BTD: variants seen among roughly 807,000 people sequenced by gnomAD.
The protein encoded by BTD is biotinidase.
In BTD, 13 loss-of-function variants were observed where a neutral mutation model predicts 17.7. That is an observed-to-expected ratio of 0.74 (90% CI 0.48 to 1.17). The LOEUF (loss-of-function observed/expected upper bound fraction) is 1.17. BTD is among the 50% of genes most tolerant of loss of function. The pLI is 0.00. For missense variants in BTD, 674 were observed against 650.4 expected, an observed-to-expected ratio of 1.04 and a Z score of -0.39; for synonymous variants, 240 against 245.2, an observed-to-expected ratio of 0.98 and a Z score of 0.20.
In BTD at chr3:15,616,297, T is replaced by C. The variant is rs577644870; in HGVS notation, c.-17+14403T>C. ...AATCAGACTTCCTGTTGCTCTATAT[T>C]CTCAACAGCATTTGGTCTTTTTAAA... On this transcript the variant is annotated intron_variant, in intron 1 of 3. Coordinates refer to ENST00000643237, the MANE Select transcript of BTD (RefSeq NM_001370658.1). 2.0e-5 allele frequency among the ~76,000 whole-genome samples: 3 copies of C among 152,266 alleles called. No individual in the cohort carries two copies. The South Asian group carries it at 6.2e-4, about 32-fold the overall frequency.
chr3:15,634,223 T>C (rs2065286938), intron 1 of BTD, among the ~76,000 whole-genome samples: 1 of 152,212 alleles, frequency 6.6e-6, no homozygotes, highest in Non-Finnish European at 1.5e-5. Context: ...GGTTTTAAAA[T>C]GCAAACACAG....
At chr3:15,686,431 G>T (rs2068136394) in intron 3 of BTD, 7 of 754,030 alleles carry the variant, frequency 9.3e-6, no homozygotes, top group South Asian at 9.0e-5. Context: ...TAATATGCAA[G>T]AATGAAAACT....
At chr3:15,684,029 G>C (rs893607244) in intron 3 of BTD, 1 of 152,068 alleles carries the variant, frequency 6.6e-6, no homozygotes, top group African/African-American at 2.4e-5. Flanking sequence ...TTGTAGATCT[G>C]CTGTCATAAT....
chr3:15,699,786 G>A (rs2070284674), intron 3 of BTD, among the ~76,000 whole-genome samples: 1 of 152,216 alleles, frequency 6.6e-6, no homozygotes, highest in Non-Finnish European at 1.5e-5. Context: ...CACTGTCAGT[G>A]GGAGTGTAAA....
rs1559600005 is a variant in BTD, at chr3:15,644,909, A to G, written c.993A>G (p.Thr331=). The change falls in exon 4 of 4, where the codon ACA becomes ACG. Residue 331 remains threonine, a synonymous_variant. Transcript: ENST00000643237. ...PVGLIGAENA[T]GETDPSHSKF... is the part of the protein sequence containing the mutation. ...GTCTCATTGGTGCAGAGAATGCAAC[A>G]GGTGAAACGGACCCATCCCATAGTA... The G allele has an allele frequency of 6.2e-7, 1 of 1,614,182 alleles. No homozygotes were observed.
chr3:15,639,512 A>G (rs2065443319), intron 2 of BTD, among the ~76,000 whole-genome samples: 1 of 152,204 alleles, frequency 6.6e-6, no homozygotes, highest in Non-Finnish European at 1.5e-5. Context: ...TAATAGATGC[A>G]AAACTGGGTA....
intron 3 of BTD, among the ~76,000 whole-genome samples, chr3:15,683,407 A>G (rs1221516854): frequency 6.6e-6 from 1 of 152,214 alleles, no homozygotes; most frequent in Non-Finnish European, 1.5e-5. Context: ...TATGAGTACT[A>G]GTCTCTGGCC....
At chr3:15,719,736 T>C (rs1357902646) in intron 4 of BTD, among the ~76,000 whole-genome samples, 1 of 151,904 alleles carries the variant, frequency 6.6e-6, no homozygotes, top group Non-Finnish European at 1.5e-5. Flanking sequence ...TTTTTTTTGG[T>C]AGAGATAGAG....
At position 15,620,960 on chromosome 3, in the gene BTD, G is replaced by A. The variant is rs74386831; in HGVS notation, c.-16-14464G>A. On this transcript the variant is annotated intron_variant, in intron 1 of 3. Coordinates refer to ENST00000643237, the MANE Select transcript of BTD (RefSeq NM_001370658.1). ...CAATGGCATAACTCAGTCCAAGGCC[G>A]AAGGCCTGAGAACCCAGGGGGCTGC... Among the ~76,000 whole-genome samples the A allele has an allele frequency of 7.9e-3, 1,209 of 152,382 alleles. 9 individuals are homozygous for A. The highest frequency in any genetic ancestry group is 0.012 in the Non-Finnish European group (787 of 68,032).
intron 1 of BTD, chr3:15,630,230 G>C (rs1027511527): frequency 7.4e-5 from 26 of 353,536 alleles, no homozygotes; most frequent in African/African-American, 5.5e-4. Flanking sequence ...GAGAAGGAAA[G>C]GGGGGAAAAG....
At chr3:15,711,393 T>C in exon 4 of BTD, 1 of 781,286 alleles carries the variant, frequency 1.3e-6, no homozygotes, top group Non-Finnish European at 2.1e-6. Context: ...TATGGGTTCT[T>C]AAGTGCTAGA....
intron 3 of BTD, chr3:15,690,251 C>T: frequency 1.3e-6 from 2 of 1,510,904 alleles, no homozygotes; most frequent in African/African-American, 2.8e-5. Flanking sequence ...AAATTTAAAA[C>T]ATACATATTT....
intron 3 of BTD, among the ~76,000 whole-genome samples, chr3:15,702,245 C>G (rs78834569): frequency 0.026 from 3,918 of 152,276 alleles, 174 homozygotes; most frequent in African/African-American, 0.089. Flanking sequence ...TCCCACAAAG[C>G]TTTAGAACAG....
chr3:15,720,024 C>T, intron 4 of BTD, among the ~76,000 whole-genome samples: 1 of 152,204 alleles, frequency 6.6e-6, no homozygotes, highest in African/African-American at 2.4e-5. Flanking sequence ...CATGAGCCAC[C>T]ATGCCAAGCT....
downstream of BTD, among the ~76,000 whole-genome samples, chr3:15,713,323 A>G (rs2072576896): frequency 6.6e-6 from 1 of 152,244 alleles, no homozygotes; most frequent in Non-Finnish European, 1.5e-5. Context: ...CTGGGGTAAC[A>G]TACATAAAAA....
intron 3 of BTD, among the ~76,000 whole-genome samples, chr3:15,663,448 C>A (rs2065946186): frequency 6.6e-6 from 1 of 152,164 alleles, no homozygotes. Flanking sequence ...AGCAGTGAAT[C>A]CATCTGGGTC....
rs563760104 is a variant in BTD at position 15,651,601 on chromosome 3, C to G, written c.*6113C>G. Among the ~76,000 whole-genome samples, 17 of 152,290 alleles carry G rather than the reference C, an allele frequency of 1.1e-4. No homozygotes were observed. Among genetic ancestry groups the G allele is most frequent in the Admixed American group, 1.0e-3 (16 of 15,304 alleles). On this transcript the variant is annotated 3_prime_UTR_variant, in exon 4 of 4. Coordinates refer to ENST00000643237, the MANE Select transcript of BTD (RefSeq NM_001370658.1). Reference sequence around the variant, plus strand: ...GCGGTGTGACAGGCAGAGAGCCAGGCGATCCATATCCTGTCTCCTCTCTCT... The same window carrying G: ...GCGGTGTGACAGGCAGAGAGCCAGGGGATCCATATCCTGTCTCCTCTCTCT...
At chr3:15,655,776 T>C (rs13092272), downstream of BTD, among the ~76,000 whole-genome samples, 4,448 of 152,324 alleles carry the variant, frequency 0.029, 92 homozygotes, top group Middle Eastern at 0.041. Flanking sequence ...ACAGTATTCA[T>C]GTATGACAGA....
At chr3:15,602,559 A>G (rs1224003477) in intron 1 of BTD, among the ~76,000 whole-genome samples, 1 of 152,178 alleles carries the variant, frequency 6.6e-6, no homozygotes, top group African/African-American at 2.4e-5. Context: ...TAAAATTTCC[A>G]ATTGTAATAA....
Sources: allele counts gnomAD v4.1 joint callset (sites outside exome capture counted in the v4.1 genomes callset), GRCh38; gene constraint gnomAD v4.1.1; transcripts MANE v1.5; gene names NCBI Gene and HGNC (gene_info 2026-07-23, HGNC 2026-07-21).